Variants in ANK1 observed in about 807,000 individuals in gnomAD.
ANK1 encodes ankyrin 1, also known as ankyrin-1.
ANK1 carries 51 observed loss-of-function variants against 210.4 expected under a neutral mutation model. The ratio of observed to expected loss-of-function variants is 0.24; its 90% CI spans 0.19 to 0.31. The LOEUF is 0.31. Among genes scored for constraint, ANK1 ranks in the 10% least tolerant of loss-of-function variants. The probability of loss-of-function intolerance (pLI) is 1.00; values close to 1 mark genes in which losing one functional copy is unlikely to be tolerated. For missense variants in ANK1, 2,051 were observed against 2,504.4 expected (o/e 0.82, Z 3.86); for synonymous variants, 967 against 1,025.9 (o/e 0.94, Z 1.10).
intron 1 of ANK1, among the ~76,000 whole-genome samples, chr8:41,834,891 A>G (rs982268851): frequency 6.6e-6 from 1 of 152,194 alleles, no homozygotes; most frequent in African/African-American, 2.4e-5. Context: ...GCTGCCGCCT[A>G]CTGCTCACCT....
At chr8:41,881,786 C>T (rs1817630331) in intron 1 of ANK1, among the ~76,000 whole-genome samples, 1 of 152,182 alleles carries the variant, frequency 6.6e-6, no homozygotes, top group African/African-American at 2.4e-5. Flanking sequence ...CTTCCTGAGC[C>T]TCCCAAGGTC....
chr8:41,798,172 G>C (rs12676896), upstream of ANK1, among the ~76,000 whole-genome samples: 10,237 of 151,998 alleles, frequency 0.067, 463 homozygotes, highest in African/African-American at 0.12. Context: ...GCGGGTGTGG[G>C]GCGCAGGAGT....
chr8:41,724,661 C>T (rs1161808494), intron 6 of ANK1, 107 bp from the exon 7 acceptor site: 2 of 1,026,634 alleles, frequency 1.9e-6, no homozygotes, highest in Non-Finnish European at 2.9e-6. Flanking sequence ...ACTTTACAGA[C>T]AAAGGAGATT....
In ANK1 at chr8:41,717,616, G is replaced by A. The variant is rs377436685; in HGVS notation, c.1293C>T (p.Asn431=). ...KNLLQRGASP[N]VSNVKVETPL... ...CCTGAGGGCTTACCACGTTGGAGACGTTGGGCGACGCCCCCCGCTGCAGGA... is the reference window on the plus strand; with the variant it reads ...CCTGAGGGCTTACCACGTTGGAGACATTGGGCGACGCCCCCCGCTGCAGGA... The change falls in exon 12 of 43, where the codon AAC becomes AAT. Residue 431 remains asparagine (N), a synonymous_variant. Transcript: ENST00000289734. 136 of 1,551,482 alleles carry A rather than the reference G, an allele frequency of 8.8e-5. No homozygotes were observed. The highest frequency in any genetic ancestry group is 1.4e-4 in the Admixed American group (7 of 51,006).
intron 1 of ANK1, among the ~76,000 whole-genome samples, chr8:41,849,780 A>G (rs776297188): frequency 6.6e-6 from 1 of 152,246 alleles, no homozygotes; most frequent in South Asian, 2.1e-4. Flanking sequence ...TCCTTTCGTC[A>G]GCACGTCACT....
At chr8:41,769,525 G>T (rs897824159) in intron 1 of ANK1, among the ~76,000 whole-genome samples, 5 of 152,084 alleles carry the variant, frequency 3.3e-5, no homozygotes, top group African/African-American at 1.2e-4. Flanking sequence ...AAAATTCCCC[G>T]CTCAGATGAG....
intron 16 of ANK1, among the ~76,000 whole-genome samples, chr8:41,713,249 G>A (rs1269069851): frequency 6.6e-6 from 1 of 152,218 alleles, no homozygotes; most frequent in Non-Finnish European, 1.5e-5. Context: ...CCCATAGAGT[G>A]CGGGTACTGC....
chr8:41,750,263 C>A (rs1323035856), intron 2 of ANK1, among the ~76,000 whole-genome samples: 1 of 152,228 alleles, frequency 6.6e-6, no homozygotes, highest in African/African-American at 2.4e-5. Context: ...TAGGGCACAT[C>A]CAGGGAGCTG....
chr8:41,767,458 C>T (rs995278243), intron 1 of ANK1, among the ~76,000 whole-genome samples: 3 of 151,606 alleles, frequency 2.0e-5, no homozygotes, highest in African/African-American at 7.3e-5. Context: ...GCGGGGAGCG[C>T]CAGCAAGTTA....
At chr8:41,735,300 G>C (rs550235017) in intron 2 of ANK1, among the ~76,000 whole-genome samples, 1 of 152,304 alleles carries the variant, frequency 6.6e-6, no homozygotes, top group East Asian at 1.9e-4. Flanking sequence ...CGGATGAGTC[G>C]ATCTTGGCTC....
intron 38 of ANK1, among the ~76,000 whole-genome samples, chr8:41,670,798 G>C (rs1384489457): frequency 6.6e-6 from 1 of 152,202 alleles, no homozygotes; most frequent in Non-Finnish European, 1.5e-5. Flanking sequence ...CCAGTCCTGA[G>C]CTCCTTGGGG....
In ANK1 at chr8:41,663,854, C is replaced by T; in HGVS notation, c.5395-112G>A. 4.6e-6 allele frequency: 4 copies of T among 867,978 alleles called. No homozygotes were observed. In the South Asian group the frequency reaches 5.4e-5, roughly 12 times the overall value. The allele number at this position is 867,978 out of a possible 1,614,324, so 53.8% of individuals were successfully genotyped here. ...AGCCACAATAGCCATGGCCCAATAA[C>T]TCCCCCAGCAGGAAACCCGGCTCAG... On this transcript the variant is annotated intron_variant, in intron 39 of 42. Coordinates refer to ENST00000289734, the MANE Select transcript of ANK1 (RefSeq NM_000037.4).
At chr8:41,742,507 C>T (rs76508735) in intron 2 of ANK1, among the ~76,000 whole-genome samples, 2,617 of 152,324 alleles carry the variant, frequency 0.017, 32 homozygotes, top group Non-Finnish European at 0.027. Context: ...TGACTGAGGA[C>T]CTCCCCACCC....
chr8:41,698,053 T>A lies in ANK1; in HGVS notation c.2627A>T (p.Glu876Val). The change falls in exon 24 of 43, where the codon GAG (glutamate) becomes GTG (valine). Residue 876 changes from glutamate (E) to valine (V), a missense_variant. By Grantham distance (121) the Glu-to-Val change is moderately radical. Coordinates refer to ENST00000289734, the MANE Select transcript of ANK1 (RefSeq NM_000037.4). ...GAAGGAGCTTCTCACCTGCTCCTGC[T>A]CTTCTGACCTGATCACCACTGTCTC... ...MPETVVIRSE[E>V]QEQASKEYDE... 1 of 1,614,110 alleles carries A rather than the reference T, an allele frequency of 6.2e-7. No homozygotes were observed. The highest frequency in any genetic ancestry group is 8.5e-7 in the Non-Finnish European group (1 of 1,180,024).
Position 41,718,148 on chromosome 8 carries a change from C to T in ANK1, c.1164G>A (p.Glu388=). The T allele has an allele frequency of 1.2e-6, 2 of 1,614,132 alleles. No homozygotes were observed. Among genetic ancestry groups the T allele is most frequent in the South Asian group, 1.1e-5 (1 of 91,086 alleles). ...ACKKNHVRVM[E]LLLKTGASID... ...TCGAGGCTCCCGTCTTCAGCAGCAG[C>T]TCCATGACACGGACGTGGTTCTTTT... is the stretch of plus-strand genomic sequence containing the variant. Residue 388 remains glutamate, a synonymous_variant, in exon 11 of 43, where the codon GAG becomes GAA. Coordinates refer to ENST00000289734, the MANE Select transcript of ANK1 (RefSeq NM_000037.4).
intron 1 of ANK1, among the ~76,000 whole-genome samples, chr8:41,769,519 T>C (rs1036287955): frequency 6.6e-6 from 1 of 152,170 alleles, no homozygotes; most frequent in African/African-American, 2.4e-5. Flanking sequence ...AGAGAGAAAA[T>C]TCCCCGCTCA....
chr8:41,702,757 G>T (rs1823210814), intron 20 of ANK1, among the ~76,000 whole-genome samples: 1 of 152,170 alleles, frequency 6.6e-6, no homozygotes, highest in South Asian at 2.1e-4. Flanking sequence ...TGTGCCTTGG[G>T]CTCCGTTCAG....
intron 1 of ANK1, among the ~76,000 whole-genome samples, chr8:41,843,534 T>C (rs1420332816): frequency 6.6e-6 from 1 of 152,118 alleles, no homozygotes; most frequent in Non-Finnish European, 1.5e-5. Context: ...TGGTCCATGG[T>C]GCAGACAGGG....
rs1823927992 is a variant in ANK1 at position 41,704,256 on chromosome 8, C to A, written c.2197-117G>T. The A allele has an allele frequency of 7.3e-7, 1 of 1,374,082 alleles. No homozygotes were observed. The highest frequency in any genetic ancestry group is 1.2e-5 in the South Asian group (1 of 85,436). 85.1% of individuals were successfully genotyped at this position (1,374,082 alleles called of 1,614,324 possible). On this transcript the variant is annotated intron_variant, in intron 19 of 42. Coordinates refer to ENST00000289734, the MANE Select transcript of ANK1 (RefSeq NM_000037.4). This position sits in a 1 kb window ranked among gnomAD's most constrained non-coding sequence, Gnocchi z 4.1. Reference sequence around the variant, plus strand: ...GACATTAATGAAATGCATTTTCCCCCTTTCTTCCTTCAGGGTCCATGGTCA... The same window carrying A: ...GACATTAATGAAATGCATTTTCCCCATTTCTTCCTTCAGGGTCCATGGTCA...
Sources: allele counts gnomAD v4.1 joint callset (sites outside exome capture counted in the v4.1 genomes callset), GRCh38; gene constraint gnomAD v4.1.1; non-coding constraint Gnocchi (gnomAD v3.1); transcripts MANE v1.5; gene names NCBI Gene and HGNC (gene_info 2026-07-23, HGNC 2026-07-21).